PCDHGA3: variants seen among roughly 807,000 people sequenced by gnomAD.
PCDHGA3 encodes protocadherin gamma subfamily A, 3, also known as protocadherin gamma-A3.
A neutral mutation model predicts 58.5 loss-of-function variants in PCDHGA3; 40 were observed. That is an observed-to-expected ratio of 0.68 (90% CI 0.53 to 0.89). The LOEUF (loss-of-function observed/expected upper bound fraction) is 0.89, where lower values mean the gene tolerates loss of function less well. Among genes scored for constraint, PCDHGA3 ranks in the 40% least tolerant of loss-of-function variants. The probability of loss-of-function intolerance (pLI) is 0.00; values close to 1 mark genes in which losing one functional copy is unlikely to be tolerated. For synonymous variants in PCDHGA3, 530 were observed against 525.7 expected, an observed-to-expected ratio of 1.01 and a Z score of -0.11; for missense variants, 1,223 against 1,195.9, an observed-to-expected ratio of 1.02 and a Z score of -0.33.
chr5:141,375,511 A>C (rs372798366), intron 1 of PCDHGA3: 2 of 1,613,960 alleles, frequency 1.2e-6, no homozygotes, highest in South Asian at 2.2e-5. Flanking sequence ...CTGTGAATGC[A>C]CTGGACCCTG....
In PCDHGA3 at chr5:141,494,832, G is replaced by A. The variant is rs758427900; in HGVS notation, c.2450G>A (p.Arg817His). The A allele has an allele frequency of 1.2e-6, 2 of 1,614,066 alleles. No homozygotes were observed. Among genetic ancestry groups the A allele is most frequent in the Non-Finnish European group, 1.7e-6 (2 of 1,179,994 alleles). The change falls in exon 2 of 4, where the codon CGT (arginine) becomes CAT (histidine). Residue 817 changes from arginine (R) to histidine (H), a missense_variant. This residue lies in a region of PCDHGA3 where 325 missense variants were observed against 327.5 expected (regional missense o/e 0.99). Transcript: ENST00000253812. ...CAAGCCCCGCCCAACACGGACTGGC[G>A]TTTCTCTCAGGCCCAGAGACCCGGC... ...LQQAPPNTDW[R>H]FSQAQRPGTS...
chr5:141,350,528 GAGA>G (rs1177062364), intron 1 of PCDHGA3: 5 of 1,613,916 alleles, frequency 3.1e-6, no homozygotes, highest in Admixed American at 1.7e-5. Flanking sequence ...GATAGATCGA[GAGA>G]AGATTTGCGG....
chr5:141,383,788 C>T (rs1375292315), intron 1 of PCDHGA3: 2 of 1,613,944 alleles, frequency 1.2e-6, no homozygotes, highest in Non-Finnish European at 1.7e-6. Context: ...TCTGAACTCG[C>T]TTACAGGAGA....
rs202220616 is a variant in PCDHGA3, at chr5:141,389,200, A to G, written c.2424+42743A>G. On this transcript the variant is annotated intron_variant, in intron 1 of 3. Coordinates refer to ENST00000253812, the MANE Select transcript of PCDHGA3 (RefSeq NM_018916.4). ...TCCTCCAGTTCCAGCATCACCCTGC[A>G]CATTGGTGATGTAAATGACAACGCT... is the stretch of plus-strand genomic sequence containing the variant. 1,731 of 1,614,032 alleles carry G rather than the reference A, an allele frequency of 1.1e-3. 2 individuals carry two copies. Among genetic ancestry groups the G allele is most frequent in the Non-Finnish European group, 1.4e-3 (1,628 of 1,179,874 alleles).
chr5:141,380,612 A>G (rs1163500028), intron 1 of PCDHGA3, among the ~76,000 whole-genome samples: 1 of 152,204 alleles, frequency 6.6e-6, no homozygotes, highest in African/African-American at 2.4e-5. Context: ...TAATTTTATG[A>G]TGTTCGATAA....
At chr5:141,456,342 G>A (rs1439003615) in intron 1 of PCDHGA3, among the ~76,000 whole-genome samples, 1 of 152,114 alleles carries the variant, frequency 6.6e-6, no homozygotes, top group African/African-American at 2.4e-5. Context: ...AAGGGTCCTC[G>A]GAAGAATGGC....
chr5:141,487,380 G>A lies in PCDHGA3; in HGVS notation c.2425-7427G>A. On this transcript the variant is annotated intron_variant, in intron 1 of 3. Transcript: ENST00000253812. This position sits in a 1 kb window ranked among gnomAD's most constrained non-coding sequence, Gnocchi z 5.0. ...GCTGGCACCTGTGCCTGTCTCACCA[G>A]ATCTCGAAGGAGGGAGGGGCTTCCC... is the stretch of plus-strand genomic sequence containing the variant. The A allele has an allele frequency of 1.2e-6, 2 of 1,614,202 alleles. No individual in the cohort carries two copies. The highest frequency in any genetic ancestry group is 2.2e-5 in the South Asian group (2 of 91,078).
At chr5:141,461,430 A>G (rs1239117668) in intron 1 of PCDHGA3, among the ~76,000 whole-genome samples, 2 of 151,992 alleles carry the variant, frequency 1.3e-5, no homozygotes, top group African/African-American at 4.8e-5. Context: ...GGCCATTTGT[A>G]TACCTTCTTT....
chr5:141,428,194 T>C (rs2097123409), intron 1 of PCDHGA3: 1 of 1,414,108 alleles, frequency 7.1e-7, no homozygotes, highest in Admixed American at 1.8e-5. Flanking sequence ...CGCCGCTCTC[T>C]GCGCCGCTAC....
At chr5:141,403,050 A>G in intron 1 of PCDHGA3, 2 of 1,614,060 alleles carry the variant, frequency 1.2e-6, no homozygotes, top group Non-Finnish European at 1.7e-6. Flanking sequence ...CAGATTCGCT[A>G]CTCAGTGCCT....
At position 141,431,968 on chromosome 5, in the gene PCDHGA3, T is replaced by A. The variant is rs571981127; in HGVS notation, c.2425-62839T>A. On this transcript the variant is annotated intron_variant, in intron 1 of 3. Coordinates refer to ENST00000253812, the MANE Select transcript of PCDHGA3 (RefSeq NM_018916.4). The surrounding 1 kb of genome is among the most constrained non-coding windows in gnomAD (Gnocchi z 4.8). Reference sequence around the variant, plus strand: ...AAAAATCTTACGGAAATTACTATAGTTTAGTCACAGACATAGTCTTGGATA... The same window carrying A: ...AAAAATCTTACGGAAATTACTATAGATTAGTCACAGACATAGTCTTGGATA... 1.9e-6 allele frequency: 3 copies of A among 1,614,072 alleles called. No individual in the cohort carries two copies. Among genetic ancestry groups the A allele is most frequent in the Non-Finnish European group, 2.5e-6 (3 of 1,180,014 alleles).
At chr5:141,479,982 C>T (rs368461965) in intron 1 of PCDHGA3, among the ~76,000 whole-genome samples, 1 of 152,192 alleles carries the variant, frequency 6.6e-6, no homozygotes, top group South Asian at 2.1e-4. Flanking sequence ...CTACCATTTA[C>T]CAACTAGGAG....
At chr5:141,376,234 G>A (rs1426358733) in intron 1 of PCDHGA3, 91 of 1,614,096 alleles carry the variant, frequency 5.6e-5, no homozygotes, top group Non-Finnish European at 7.5e-5. Flanking sequence ...TCAGACTGCA[G>A]CGCTGGCACA....
intron 1 of PCDHGA3, chr5:141,408,974 G>A (rs899313364): frequency 6.2e-7 from 1 of 1,613,808 alleles, no homozygotes; most frequent in South Asian, 1.1e-5. Context: ...TCTGCCCCCT[G>A]GGTCCCCTGT....
chr5:141,399,997 A>G, intron 1 of PCDHGA3: 1 of 1,612,344 alleles, frequency 6.2e-7, no homozygotes, highest in Non-Finnish European at 8.5e-7. Context: ...AGAGGTGCGC[A>G]CAGCGCGTGC....
At chr5:141,481,999 C>T (rs958678555) in intron 1 of PCDHGA3, among the ~76,000 whole-genome samples, 7 of 149,942 alleles carry the variant, frequency 4.7e-5, no homozygotes, top group Admixed American at 2.0e-4. Flanking sequence ...GCAGGAGAAT[C>T]GCTTTATCTC....
chr5:141,420,683 G>A (rs1308504595), intron 1 of PCDHGA3, among the ~76,000 whole-genome samples: 1 of 152,190 alleles, frequency 6.6e-6, no homozygotes, highest in Non-Finnish European at 1.5e-5. Context: ...ATTTTATCGG[G>A]ACCGTATTAT....
At chr5:141,400,777 T>G (rs2094073733) in intron 1 of PCDHGA3, 1 of 565,634 alleles carries the variant, frequency 1.8e-6, no homozygotes. Context: ...ATTTGGTGCG[T>G]TTTTTTGTCC....
Position 141,476,162 on chromosome 5 carries a change from G to A in PCDHGA3, c.2425-18645G>A. 6.2e-7 allele frequency: 1 copy of A among 1,613,038 alleles called. No homozygotes were observed. Among genetic ancestry groups the A allele is most frequent in the South Asian group, 1.1e-5 (1 of 91,040 alleles). Reference sequence around the variant, plus strand: ...GAGCGGACTGGTAAGCACCGGGAGGGTAGTGGGAGTTTTGCTTCTGCTTGG... The same window carrying A: ...GAGCGGACTGGTAAGCACCGGGAGGATAGTGGGAGTTTTGCTTCTGCTTGG... On this transcript the variant is annotated intron_variant, in intron 1 of 3. Coordinates refer to ENST00000253812, the MANE Select transcript of PCDHGA3 (RefSeq NM_018916.4). The surrounding 1 kb of genome is among the most constrained non-coding windows in gnomAD (Gnocchi z 7.6).
Sources: gnomAD v4.1 joint callset for allele counts (sites outside exome capture counted in the v4.1 genomes callset) on GRCh38, gnomAD v4.1.1 for gene constraint, gnomAD v4.1.1 regional missense constraint, Gnocchi (gnomAD v3.1) non-coding constraint, MANE v1.5 for transcripts, NCBI Gene and HGNC (gene_info 2026-07-23, HGNC 2026-07-21) for gene names.